SALL3: variants seen among roughly 807,000 people sequenced by gnomAD.
SALL3 encodes the protein sal-like protein 3.
SALL3 carries 25 observed loss-of-function variants against 66.2 expected under a neutral mutation model. The observed-to-expected ratio is 0.38, with a 90% CI of 0.28 to 0.53. The LOEUF (loss-of-function observed/expected upper bound fraction) is 0.53. Ranked by LOEUF, SALL3 falls within the 20% of genes least tolerant of loss-of-function variation. The pLI is 0.85. For synonymous variants in SALL3, 1,152 were observed against 899.1 expected (o/e 1.28, Z -5.03); for missense variants, 2,194 against 1,916.5 (o/e 1.14, Z -2.70).
chr18:78,996,600 T>C (rs771492928), intron 2 of SALL3, among the ~76,000 whole-genome samples: 3 of 152,190 alleles, frequency 2.0e-5, no homozygotes, highest in African/African-American at 7.2e-5. Flanking sequence ...CTCCAGAACA[T>C]TCTCTGCGTG....
intron 1 of SALL3, among the ~76,000 whole-genome samples, chr18:78,987,849 T>C (rs1914298841): frequency 6.6e-6 from 1 of 152,208 alleles, no homozygotes; most frequent in Non-Finnish European, 1.5e-5. Flanking sequence ...TCTAATAAAA[T>C]CCCATTCCTG....
intron 2 of SALL3, 56 bp downstream of exon 2, chr18:78,995,518 TTC>T (rs1914660736): frequency 6.7e-7 from 1 of 1,495,442 alleles, no homozygotes; most frequent in African/African-American, 1.4e-5. Flanking sequence ...CACGGTGGCT[TTC>T]TCCATCACCT....
At position 78,997,945 on chromosome 18, in the gene SALL3, G is replaced by C. The variant is rs1249197528; in HGVS notation, c.*623G>C. 1.3e-5 allele frequency: 2 copies of C among 152,042 alleles called. No individual in the cohort carries two copies. Among genetic ancestry groups the C allele is most frequent in the African/African-American group, 2.4e-5 (1 of 41,226 alleles). 9.4% of individuals were successfully genotyped at this position (152,042 alleles called of 1,614,324 possible). The stretch of plus-strand genomic sequence containing the variant: ...TAAATAAGTGGATTATTTCAATGCA[G>C]GCAAAATTGTGAAGTTCTGTTGGGA... On this transcript the variant is annotated 3_prime_UTR_variant, in exon 3 of 3. Transcript: ENST00000537592.
rs539843314 is a variant in SALL3, at chr18:78,987,395, TA to T, written c.83-4678del. ...TTATTAGTTAGAAGGGGAAAATACA[TA>T]TTTTTTTTAACTATCGTCTTTGAAG... On this transcript the variant is annotated intron_variant, in intron 1 of 2. Transcript: ENST00000537592. Among the ~76,000 whole-genome samples, 511 of 152,320 alleles carry T rather than the reference TA, an allele frequency of 3.4e-3. 4 individuals carry two copies. The highest frequency in any genetic ancestry group is 0.012 in the African/African-American group (484 of 41,566).
intron 1 of SALL3, among the ~76,000 whole-genome samples, chr18:78,983,725 A>T (rs1206221446): frequency 3.3e-5 from 5 of 152,200 alleles, no homozygotes; most frequent in Non-Finnish European, 5.9e-5. Context: ...AGCACACTAC[A>T]CACATTTACA....
At chr18:78,981,458 T>C (rs1250105161) in intron 1 of SALL3, among the ~76,000 whole-genome samples, 2 of 152,234 alleles carry the variant, frequency 1.3e-5, no homozygotes, top group South Asian at 2.1e-4. Flanking sequence ...CTTTTTACTC[T>C]GAGAATGAGA....
chr18:78,994,826 G>A lies in SALL3; in HGVS notation c.2835G>A (p.Pro945=), dbSNP rs776394142. Residue 945 remains proline (P), a synonymous_variant, in exon 2 of 3, where the codon CCG becomes CCA. Coordinates refer to ENST00000537592, the MANE Select transcript of SALL3 (RefSeq NM_171999.4). The stretch of plus-strand genomic sequence containing the variant: ...GGCCGGACAGCCCAGCCGCCGCCCC[G>A]GGCAGCGGAGGCGCCCCTGGCCGCG... ...TERPDSPAAA[P]GSGGAPGRAG... The A allele has an allele frequency of 1.5e-5, 24 of 1,595,852 alleles. No homozygotes were observed. Among genetic ancestry groups the A allele is most frequent in the South Asian group, 5.6e-5 (5 of 89,640 alleles).
chr18:78,980,423 G>T, intron 1 of SALL3, 67 bp downstream of exon 1: 1 of 998,494 alleles, frequency 1.0e-6, no homozygotes, highest in South Asian at 3.0e-5. Context: ...GGAAGCGCGT[G>T]CGGCGGGAGC....
At chr18:78,996,213 G>A (rs939441830) in intron 2 of SALL3, among the ~76,000 whole-genome samples, 10 of 152,302 alleles carry the variant, frequency 6.6e-5, no homozygotes, top group Admixed American at 5.9e-4. Flanking sequence ...GCGGTAGAGC[G>A]GGTGTGTGAC....
Position 78,997,212 on chromosome 18 carries a change from A to C in SALL3, c.3793A>C (p.Thr1265Pro). Reference protein sequence around the residue: ...SMASGMDKARTGSSPPIVSLD... With the variant: ...SMASGMDKARPGSSPPIVSLD... ...GGCCAGTGGGATGGACAAAGCACGC[A>C]CTGGCAGTAGCCCACCCATCGTCAG... Residue 1265 changes from threonine (T) to proline (P), a missense_variant, in exon 3 of 3, where the codon ACT (threonine) becomes CCT (proline). Coordinates refer to ENST00000537592, the MANE Select transcript of SALL3 (RefSeq NM_171999.4). 3 of 1,613,992 alleles carry C rather than the reference A, an allele frequency of 1.9e-6. No individual in the cohort carries two copies. The highest frequency in any genetic ancestry group is 1.7e-6 in the Non-Finnish European group (2 of 1,180,020).
At position 78,985,498 on chromosome 18, in the gene SALL3, CAG is replaced by C. The variant is rs1007630559; in HGVS notation, c.82+5145_82+5146del. On this transcript the variant is annotated intron_variant, in intron 1 of 2. Coordinates refer to ENST00000537592, the MANE Select transcript of SALL3 (RefSeq NM_171999.4). ...TTCTGTTGTAGGATCTGTATACGTG[CAG>C]AGTCACTGGCTTCAACGACCCAGGG... Among the ~76,000 whole-genome samples, 15 of 152,302 alleles carry C rather than the reference CAG, an allele frequency of 9.8e-5. 1 individual carries two copies. The highest frequency in any genetic ancestry group is 8.5e-4 in the Admixed American group (13 of 15,302).
Position 78,994,505 on chromosome 18 carries a change from C to T in SALL3, c.2514C>T (p.Ser838=). ...SCPPSPPSVI[S]SIAALENQMK... Reference sequence around the variant, plus strand: ...CGCCCTCCCCGCCCTCGGTCATCTCCAGCATTGCCGCCCTGGAGAACCAGA... The same window carrying T: ...CGCCCTCCCCGCCCTCGGTCATCTCTAGCATTGCCGCCCTGGAGAACCAGA... The change falls in exon 2 of 3, where the codon TCC becomes TCT. Residue 838 remains serine, a synonymous_variant. Transcript: ENST00000537592. 6.2e-7 allele frequency: 1 copy of T among 1,611,242 alleles called. No individual in the cohort carries two copies. The highest frequency in any genetic ancestry group is 8.5e-7 in the Non-Finnish European group (1 of 1,179,222).
At position 78,979,859 on chromosome 18, in the gene SALL3, C is replaced by G. The variant is rs1913921782; in HGVS notation, c.-416C>G. Among the ~76,000 whole-genome samples, 1 of 144,656 alleles carries G rather than the reference C, an allele frequency of 6.9e-6. No homozygotes were observed. The highest frequency in any genetic ancestry group is 1.5e-5 in the Non-Finnish European group (1 of 65,164). 94.9% of individuals were successfully genotyped at this position (144,656 alleles called of 152,430 possible). A position where few individuals can be genotyped will look rare whatever the true frequency, so the allele number is the denominator to read the frequency against. On this transcript the variant is annotated 5_prime_UTR_variant, in exon 1 of 3. Coordinates refer to ENST00000537592, the MANE Select transcript of SALL3 (RefSeq NM_171999.4). ...GGACGCCGCCAAAGTTTGCTGCCTG[C>G]GCCCTGCGGAGGGACGGCCACCGCG...
rs1478218370 is a variant in SALL3 at position 78,995,353 on chromosome 18, C to T, written c.3362C>T (p.Thr1121Ile). ...CACAACTGCCAGTCGTGCGGGAAGA[C>T]CTTCTCCTCGGCCAGCGCCCTGCAG... ...KQHNCQSCGK[T>I]FSSASALQIH... is the part of the protein sequence containing the mutation. Residue 1121 changes from threonine (T) to isoleucine (I), a missense_variant, in exon 2 of 3, where the codon ACC becomes ATC. Transcript: ENST00000537592. The T allele has an allele frequency of 6.3e-7, 1 of 1,576,240 alleles. No individual in the cohort carries two copies. Among genetic ancestry groups the T allele is most frequent in the East Asian group, 2.3e-5 (1 of 43,932 alleles).
chr18:78,993,693 C>A lies in SALL3; in HGVS notation c.1702C>A (p.Pro568Thr). The A allele has an allele frequency of 6.3e-7, 1 of 1,579,244 alleles. No individual in the cohort carries two copies. Among genetic ancestry groups the A allele is most frequent in the Non-Finnish European group, 8.5e-7 (1 of 1,169,926 alleles). ...PASSECASLSPGLNHVESGVS... is the reference protein window; with the variant it reads ...PASSECASLSTGLNHVESGVS... ...CTCCAGCGAGTGCGCCTCCTTGTCC[C>A]CAGGCCTCAACCACGTGGAGTCCGG... The change falls in exon 2 of 3, where the codon CCA becomes ACA. Residue 568 changes from proline to threonine, a missense_variant. Coordinates refer to ENST00000537592, the MANE Select transcript of SALL3 (RefSeq NM_171999.4).
chr18:78,990,166 T>C (rs761052574), intron 1 of SALL3, among the ~76,000 whole-genome samples: 12 of 152,256 alleles, frequency 7.9e-5, no homozygotes, highest in Non-Finnish European at 1.8e-4. Context: ...ATTTTGCTAA[T>C]GTGCCTATCT....
chr18:78,994,834 G>C lies in SALL3; in HGVS notation c.2843G>C (p.Gly948Ala). The C allele has an allele frequency of 6.3e-7, 1 of 1,597,764 alleles. No individual in the cohort carries two copies. The highest frequency in any genetic ancestry group is 8.5e-7 in the Non-Finnish European group (1 of 1,172,704). ...AGCCCAGCCGCCGCCCCGGGCAGCG[G>C]AGGCGCCCCTGGCCGCGCGGGCATC... ...PDSPAAAPGS[G>A]GAPGRAGIKE... Residue 948 changes from glycine to alanine, a missense_variant, in exon 2 of 3, where the codon GGA becomes GCA. Physicochemically the swap from Gly to Ala is moderately conservative, Grantham distance 60 (BLOSUM62 0). Transcript: ENST00000537592.
chr18:78,983,261 C>T (rs1365465567), intron 1 of SALL3, among the ~76,000 whole-genome samples: 3 of 152,194 alleles, frequency 2.0e-5, no homozygotes, highest in Non-Finnish European at 4.4e-5. Flanking sequence ...CTTTGCGCCA[C>T]TAGTAATCCT....
chr18:78,997,916 A>G lies in SALL3; in HGVS notation c.*594A>G, dbSNP rs1914754980. The G allele has an allele frequency of 6.6e-6, 1 of 152,286 alleles. No homozygotes were observed. Among genetic ancestry groups the G allele is most frequent in the Non-Finnish European group, 1.5e-5 (1 of 68,038 alleles). 9.4% of individuals were successfully genotyped at this position (152,286 alleles called of 1,614,324 possible). A position where few individuals can be genotyped will look rare whatever the true frequency, so the allele number is the denominator to read the frequency against. ...TTTTTTTTTAAGCAAGATTTGTTTT[A>G]CTATAAATAAGTGGATTATTTCAAT... On this transcript the variant is annotated 3_prime_UTR_variant, in exon 3 of 3. Coordinates refer to ENST00000537592, the MANE Select transcript of SALL3 (RefSeq NM_171999.4).
Sources: gnomAD v4.1 joint callset for allele counts (sites outside exome capture counted in the v4.1 genomes callset) on GRCh38, gnomAD v4.1.1 for gene constraint, MANE v1.5 for transcripts, NCBI Gene and HGNC (gene_info 2026-07-23, HGNC 2026-07-21) for gene names.